The following ARHGEF4 variants were observed in gnomAD, a reference collection of about 807,000 sequenced individuals.
ARHGEF4 encodes APC-stimulated guanine nucleotide exchange factor 1.
A neutral mutation model predicts 162.0 loss-of-function variants in ARHGEF4; 119 were observed. The ratio of observed to expected loss-of-function variants is 0.73; its 90% CI spans 0.63 to 0.86. The LOEUF (loss-of-function observed/expected upper bound fraction) is 0.86. ARHGEF4 is among the 40% of genes least tolerant of loss of function. ARHGEF4 has a pLI of 0.00. For synonymous variants in ARHGEF4, 1,014 were observed against 979.9 expected, an observed-to-expected ratio of 1.03 and a Z score of -0.65; for missense variants, 2,488 against 2,456.0, an observed-to-expected ratio of 1.01 and a Z score of -0.28.
intron 3 of ARHGEF4, among the ~76,000 whole-genome samples, chr2:130,932,779 T>C (rs1682710612): frequency 6.6e-6 from 1 of 152,238 alleles, no homozygotes; most frequent in African/African-American, 2.4e-5. Context: ...TTTAGGTCTT[T>C]GATCCATTTT....
chr2:130,921,883 G>A (rs1304464010), intron 2 of ARHGEF4, among the ~76,000 whole-genome samples: 1 of 151,698 alleles, frequency 6.6e-6, no homozygotes, highest in Non-Finnish European at 1.5e-5. Context: ...ATAGAGATGG[G>A]GTTTCACCAT....
intron 1 of ARHGEF4, among the ~76,000 whole-genome samples, chr2:130,872,445 T>TC (rs1331800696): frequency 1.3e-5 from 2 of 151,794 alleles, no homozygotes; most frequent in East Asian, 1.9e-4. Flanking sequence ...CAAAGCAGGG[T>TC]CCCCCCAGGC....
At chr2:130,990,055 G>A (rs1686839493) in intron 4 of ARHGEF4, among the ~76,000 whole-genome samples, 1 of 152,228 alleles carries the variant, frequency 6.6e-6, no homozygotes, top group Admixed American at 6.5e-5. Context: ...GGAACTGTGA[G>A]GGTGGAAAAG....
At chr2:131,009,019 A>G (rs946540309) in intron 4 of ARHGEF4, among the ~76,000 whole-genome samples, 1 of 152,214 alleles carries the variant, frequency 6.6e-6, no homozygotes, top group Non-Finnish European at 1.5e-5. Flanking sequence ...GAAGATCAGA[A>G]TTTCCATTTG....
At chr2:130,948,819 T>C (rs1052431536) in intron 4 of ARHGEF4, among the ~76,000 whole-genome samples, 9 of 152,178 alleles carry the variant, frequency 5.9e-5, no homozygotes, top group Admixed American at 4.6e-4. Flanking sequence ...TTCCTTTTTC[T>C]TCAAAAAAGG....
rs1473472263 is a variant in ARHGEF4, at chr2:131,041,366, T to G, written c.4799T>G (p.Ile1600Ser). The G allele has an allele frequency of 1.2e-6, 2 of 1,613,378 alleles. No individual in the cohort carries two copies. The highest frequency in any genetic ancestry group is 2.7e-5 in the African/African-American group (2 of 74,900). ...CGGCTGCTGCAGAAGATGATTGACA[T>G]CTCCCTGGATGGCTTCCTGCTGACT... The part of the protein sequence containing the change: ...ACRLLQKMID[I>S]SLDGFLLTPV... Residue 1600 changes from isoleucine (I) to serine (S), a missense_variant, in exon 9 of 14, where the codon ATC becomes AGC. Physicochemically the swap from Ile to Ser is moderately radical, Grantham distance 142. Coordinates refer to ENST00000409359, the MANE Select transcript of ARHGEF4 (RefSeq NM_001367493.1).
At chr2:130,988,622 C>T (rs564229521) in intron 4 of ARHGEF4, among the ~76,000 whole-genome samples, 14 of 152,126 alleles carry the variant, frequency 9.2e-5, no homozygotes, top group Admixed American at 1.3e-4. Context: ...TCACAGTGTA[C>T]GCTTTATTTC....
intron 1 of ARHGEF4, among the ~76,000 whole-genome samples, chr2:130,907,268 G>A (rs1482614252): frequency 8.2e-5 from 9 of 110,418 alleles, no homozygotes; most frequent in Admixed American, 4.6e-4. Context: ...AGGCTGGAGT[G>A]CAGTGGCACG....
intron 4 of ARHGEF4, among the ~76,000 whole-genome samples, chr2:130,982,196 A>G (rs1407195114): frequency 6.6e-6 from 1 of 151,942 alleles, no homozygotes; most frequent in Non-Finnish European, 1.5e-5. Context: ...ACAGGGTTTC[A>G]CCATGTTGGC....
chr2:131,041,322 G>GT lies in ARHGEF4; in HGVS notation c.4756dup (p.Tyr1586LeufsTer14). On this transcript the variant is annotated frameshift_variant, in exon 9 of 14. Coordinates refer to ENST00000409359, the MANE Select transcript of ARHGEF4 (RefSeq NM_001367493.1). LOFTEE classifies it high-confidence loss of function. ...GGCTCACCAAGCTCAGCAAGTACGT[G>GT]TACTTCTTCGAGGCCTGCCGGCTGC... 6.2e-7 allele frequency: 1 copy of GT among 1,613,796 alleles called. No individual in the cohort carries two copies. Among genetic ancestry groups the GT allele is most frequent in the Non-Finnish European group, 8.5e-7 (1 of 1,180,018 alleles).
At chr2:130,960,082 T>A (rs1482776973) in intron 4 of ARHGEF4, among the ~76,000 whole-genome samples, 1 of 152,212 alleles carries the variant, frequency 6.6e-6, no homozygotes, top group Non-Finnish European at 1.5e-5. Flanking sequence ...TATACAGTCA[T>A]GTGCCATATA....
At chr2:130,983,770 C>T (rs1686277888) in intron 4 of ARHGEF4, among the ~76,000 whole-genome samples, 1 of 152,146 alleles carries the variant, frequency 6.6e-6, no homozygotes, top group African/African-American at 2.4e-5. Flanking sequence ...CTGCCTCAGC[C>T]GCCTGAATAG....
intron 1 of ARHGEF4, among the ~76,000 whole-genome samples, chr2:130,892,167 T>C (rs1279696685): frequency 1.3e-5 from 2 of 152,208 alleles, no homozygotes; most frequent in African/African-American, 4.8e-5. Context: ...ATTTGAATAC[T>C]GTCTCTTCAG....
intron 3 of ARHGEF4, among the ~76,000 whole-genome samples, chr2:130,935,267 G>T (rs1465705481): frequency 6.6e-6 from 1 of 150,474 alleles, no homozygotes; most frequent in Admixed American, 6.6e-5. Context: ...CCAACTCCTG[G>T]GCTCAAGTGG....
intron 2 of ARHGEF4, among the ~76,000 whole-genome samples, chr2:130,924,307 C>T (rs1208289665): frequency 6.7e-6 from 1 of 149,748 alleles, no homozygotes; most frequent in Non-Finnish European, 1.5e-5. Context: ...GACCGAGTCT[C>T]ACACTGTCAC....
chr2:130,912,032 C>T (rs576049160), intron 1 of ARHGEF4, among the ~76,000 whole-genome samples: 5 of 152,314 alleles, frequency 3.3e-5, no homozygotes, highest in African/African-American at 9.6e-5. Flanking sequence ...GTGTCTAAGA[C>T]GGGTTGGTGA....
chr2:130,880,773 A>G (rs978218655), intron 1 of ARHGEF4, among the ~76,000 whole-genome samples: 2 of 152,070 alleles, frequency 1.3e-5, no homozygotes, highest in Admixed American at 1.3e-4. Context: ...GGGCTTAAGC[A>G]GTCATCCTGC....
intron 4 of ARHGEF4, among the ~76,000 whole-genome samples, chr2:130,988,895 TATATATAGAGAG>T (rs1402184023): frequency 0.014 from 1,560 of 108,850 alleles, 12 homozygotes; most frequent in African/African-American, 0.024. Context: ...TATATATATA[TATATATAGAGAG>T]AGAGAGAGAG....
chr2:130,894,781 C>T (rs985414858), intron 1 of ARHGEF4, among the ~76,000 whole-genome samples: 26 of 152,028 alleles, frequency 1.7e-4, no homozygotes, highest in Admixed American at 1.0e-3. Flanking sequence ...CCTCCTGTGG[C>T]GGGAGGTTGG....
Sources: allele counts gnomAD v4.1 joint callset (sites outside exome capture counted in the v4.1 genomes callset), GRCh38; gene constraint gnomAD v4.1.1; transcripts MANE v1.5; gene names NCBI Gene and HGNC (gene_info 2026-07-23, HGNC 2026-07-21).